ITPR2: variants seen among roughly 807,000 people sequenced by gnomAD.
The protein encoded by ITPR2 is inositol 1,4,5-trisphosphate receptor type 2.
ITPR2 carries 207 observed loss-of-function variants against 317.1 expected under a neutral mutation model. The observed-to-expected ratio is 0.65, with a 90% confidence interval of 0.58 to 0.73. ITPR2 has a LOEUF of 0.73. ITPR2 is among the 30% of genes least tolerant of loss of function. The probability of loss-of-function intolerance (pLI) is 0.00; values close to 1 mark genes in which losing one functional copy is unlikely to be tolerated. For synonymous variants in ITPR2, 1,156 were observed against 1,149.1 expected, an observed-to-expected ratio of 1.01 and a Z score of -0.12; for missense variants, 2,613 against 3,284.0, an observed-to-expected ratio of 0.80 and a Z score of 4.99.
chr12:26,775,180 G>A (rs1429402270), intron 2 of ITPR2, among the ~76,000 whole-genome samples: 1 of 151,864 alleles, frequency 6.6e-6, no homozygotes, highest in Non-Finnish European at 1.5e-5. Context: ...TTGCTCCTCA[G>A]ATATATTCAA....
intron 6 of ITPR2, 30 bp downstream of exon 6, chr12:26,716,114 C>A: frequency 7.3e-7 from 1 of 1,374,234 alleles, no homozygotes; most frequent in South Asian, 1.2e-5. Flanking sequence ...GAAAAATGAA[C>A]ACATTCATTC....
chr12:26,721,381 A>G, intron 5 of ITPR2: 1 of 567,860 alleles, frequency 1.8e-6, no homozygotes, highest in South Asian at 2.3e-5. Context: ...TCACTGGAAA[A>G]ATTAGATTCA....
intron 21 of ITPR2, among the ~76,000 whole-genome samples, chr12:26,635,296 A>G (rs190209183): frequency 9.4e-4 from 143 of 152,360 alleles, no homozygotes; most frequent in Non-Finnish European, 1.6e-3. Context: ...ATTTAACAGA[A>G]TATTGATTGA....
intron 21 of ITPR2, among the ~76,000 whole-genome samples, chr12:26,653,331 G>A (rs1947299270): frequency 2.1e-5 from 3 of 141,226 alleles, no homozygotes; most frequent in Admixed American, 7.5e-5. Context: ...TGCAACATCC[G>A]ACTCCCTGGT....
intron 32 of ITPR2, among the ~76,000 whole-genome samples, chr12:26,588,003 G>T (rs74988054): frequency 0.012 from 1,778 of 152,292 alleles, 38 homozygotes; most frequent in African/African-American, 0.041. Flanking sequence ...AAGATTTACA[G>T]ATGGCACCAA....
At chr12:26,428,730 A>C (rs1941131269) in intron 48 of ITPR2, among the ~76,000 whole-genome samples, 1 of 152,220 alleles carries the variant, frequency 6.6e-6, no homozygotes, top group South Asian at 2.1e-4. Context: ...GTTACACATA[A>C]GATTTCTTAG....
intron 19 of ITPR2, 98 bp downstream of exon 19, chr12:26,656,199 C>G: frequency 6.8e-7 from 1 of 1,460,318 alleles, no homozygotes; most frequent in Non-Finnish European, 9.4e-7. Context: ...ACAGGATACA[C>G]AAATGCCTTT....
At chr12:26,364,833 G>A (rs896157739) in intron 55 of ITPR2, among the ~76,000 whole-genome samples, 2 of 152,078 alleles carry the variant, frequency 1.3e-5, no homozygotes, top group African/African-American at 4.8e-5. Context: ...AATTTGTTCT[G>A]TGTACCCTGA....
intron 9 of ITPR2, among the ~76,000 whole-genome samples, chr12:26,696,205 T>C (rs1336461622): frequency 6.6e-6 from 1 of 152,004 alleles, no homozygotes; most frequent in Non-Finnish European, 1.5e-5. Flanking sequence ...CAAAGATGAG[T>C]TCTGGATGTG....
At chr12:26,778,861 G>A (rs1187012522) in intron 2 of ITPR2, among the ~76,000 whole-genome samples, 4 of 152,164 alleles carry the variant, frequency 2.6e-5, no homozygotes, top group Admixed American at 6.5e-5. Flanking sequence ...AGTGGTGTGG[G>A]GCCTGTCAAG....
At chr12:26,830,783 A>G (rs1437665549) in intron 1 of ITPR2, among the ~76,000 whole-genome samples, 1 of 152,240 alleles carries the variant, frequency 6.6e-6, no homozygotes, top group East Asian at 1.9e-4. Context: ...AAATATAACT[A>G]TGGCTCACCG....
At chr12:26,704,737 T>A (rs543129738) in intron 9 of ITPR2, among the ~76,000 whole-genome samples, 1 of 152,290 alleles carries the variant, frequency 6.6e-6, no homozygotes, top group African/African-American at 2.4e-5. Flanking sequence ...TCCAGAATAA[T>A]ACTATATAAT....
In ITPR2 at chr12:26,806,937, A is replaced by G. The variant is rs144658986; in HGVS notation, c.93-16710T>C. On this transcript the variant is annotated intron_variant, in intron 1 of 56. Transcript: ENST00000381340. ...ATTCTCAAAATTTCACAAATATTAT[A>G]CAAAGAAAATATCCCTCTTCTCTTT... Among the ~76,000 whole-genome samples, 6 of 152,354 alleles carry G rather than the reference A, an allele frequency of 3.9e-5. No individual in the cohort carries two copies. In the East Asian group the frequency reaches 7.7e-4, roughly 20 times the overall value.
chr12:26,442,848 T>A lies in ITPR2; in HGVS notation c.6450+695A>T, dbSNP rs1941517214. The stretch of plus-strand genomic sequence containing the variant: ...AAATATCTGCCAAAATGAATGAATG[T>A]ATAAATGTAAATTATAGGAGTGACA... On this transcript the variant is annotated intron_variant, in intron 46 of 56. Coordinates refer to ENST00000381340, the MANE Select transcript of ITPR2 (RefSeq NM_002223.4). 2.0e-5 allele frequency among the ~76,000 whole-genome samples: 3 copies of A among 152,136 alleles called. No homozygotes were observed. In the South Asian group the frequency reaches 6.2e-4, roughly 31 times the overall value.
chr12:26,581,884 G>A (rs1201046751), intron 32 of ITPR2, among the ~76,000 whole-genome samples: 1 of 152,176 alleles, frequency 6.6e-6, no homozygotes, highest in African/African-American at 2.4e-5. Context: ...CTCATTCAGT[G>A]ACATTTCATG....
At chr12:26,436,099 C>T in intron 48 of ITPR2, 122 bp downstream of exon 48, 2 of 944,786 alleles carry the variant, frequency 2.1e-6, no homozygotes, top group Non-Finnish European at 1.5e-6. Flanking sequence ...CTATCATACT[C>T]TACTTCCAAC....
intron 39 of ITPR2, 116 bp from the exon 40 acceptor site, chr12:26,487,367 T>C: frequency 1.5e-6 from 1 of 649,154 alleles, no homozygotes; most frequent in Non-Finnish European, 2.5e-6. Flanking sequence ...CACCACCCAT[T>C]ACTATTTCAT....
intron 52 of ITPR2, among the ~76,000 whole-genome samples, chr12:26,410,197 G>T (rs755400428): frequency 6.6e-6 from 1 of 152,146 alleles, no homozygotes; most frequent in Admixed American, 6.5e-5. Context: ...TTTAGAAACT[G>T]CAGAGCACAA....
intron 54 of ITPR2, among the ~76,000 whole-genome samples, chr12:26,388,512 T>C (rs1356909584): frequency 2.6e-5 from 4 of 152,148 alleles, no homozygotes; most frequent in Non-Finnish European, 5.9e-5. Flanking sequence ...TTTCCCAGGC[T>C]GGAGTGCAGT....
Sources: allele counts gnomAD v4.1 joint callset (sites outside exome capture counted in the v4.1 genomes callset), GRCh38; gene constraint gnomAD v4.1.1; transcripts MANE v1.5; gene names NCBI Gene and HGNC (gene_info 2026-07-23, HGNC 2026-07-21).